The following BCAS3 variants were observed in gnomAD, a reference collection of about 807,000 sequenced individuals.
BCAS3 encodes BCAS3 microtubule associated cell migration factor.
BCAS3 carries 53 observed loss-of-function variants against 116.1 expected under a neutral mutation model. That is an observed-to-expected ratio of 0.46 (90% CI 0.37 to 0.57). The LOEUF is 0.57. Ranked by LOEUF, BCAS3 falls within the 20% of genes least tolerant of loss-of-function variation. The probability of loss-of-function intolerance (pLI) is 0.00; values close to 1 mark genes in which losing one functional copy is unlikely to be tolerated. For missense variants in BCAS3, 917 were observed against 1,165.4 expected (o/e 0.79, Z 3.10); for synonymous variants, 391 against 408.2 (o/e 0.96, Z 0.51).
Position 60,994,938 on chromosome 17 carries a change from G to A in BCAS3, c.1486+4703G>A, listed in dbSNP as rs1600303235. 6.6e-6 allele frequency among the ~76,000 whole-genome samples: 1 copy of A among 152,080 alleles called. No homozygotes were observed. The highest frequency in any genetic ancestry group is 1.9e-4 in the East Asian group (1 of 5,174). ...CTTCTGTGAGCACAAAGTCTTTTTG[G>A]TGTTTCTATTTGTATCTTGGCAGTT... is the stretch of plus-strand genomic sequence containing the variant. On this transcript the variant is annotated intron_variant, in intron 15 of 23. Coordinates refer to ENST00000407086, the MANE Select transcript of BCAS3 (RefSeq NM_017679.5). This position sits in a 1 kb window ranked among gnomAD's most constrained non-coding sequence, Gnocchi z 4.4.
At chr17:60,680,374 C>G (rs773880507) in intron 2 of BCAS3, among the ~76,000 whole-genome samples, 4 of 152,024 alleles carry the variant, frequency 2.6e-5, no homozygotes, top group African/African-American at 9.7e-5. Flanking sequence ...TATTTCATCA[C>G]CCAGGTATTA....
chr17:61,135,665 A>T (rs556348094), intron 22 of BCAS3, among the ~76,000 whole-genome samples: 1 of 152,344 alleles, frequency 6.6e-6, no homozygotes, highest in East Asian at 1.9e-4. Context: ...AACAGTTCTC[A>T]CATTTTTAAA....
intron 19 of BCAS3, among the ~76,000 whole-genome samples, chr17:61,043,702 T>G (rs1412423378): frequency 6.6e-6 from 1 of 151,966 alleles, no homozygotes; most frequent in Non-Finnish European, 1.5e-5. Context: ...AATGGTGTCT[T>G]GTCTAGGATC....
At chr17:61,341,430 C>T (rs1282204828) in intron 22 of BCAS3, among the ~76,000 whole-genome samples, 1 of 152,170 alleles carries the variant, frequency 6.6e-6, no homozygotes, top group Admixed American at 6.5e-5. Context: ...TGGACACTTC[C>T]TGTTCTATCT....
At chr17:60,950,750 T>C (rs888765898) in intron 14 of BCAS3, among the ~76,000 whole-genome samples, 2 of 152,218 alleles carry the variant, frequency 1.3e-5, no homozygotes, top group Non-Finnish European at 2.9e-5. Context: ...GAGCGTTAAT[T>C]GTTGAAGTTG....
chr17:60,738,454 C>T (rs1598390207), intron 5 of BCAS3, among the ~76,000 whole-genome samples: 4 of 152,100 alleles, frequency 2.6e-5, no homozygotes, highest in Admixed American at 2.6e-4. Context: ...ATGTAATATC[C>T]CCCTTTTTCC....
intron 22 of BCAS3, among the ~76,000 whole-genome samples, chr17:61,292,636 G>A (rs2052538276): frequency 6.6e-6 from 1 of 152,094 alleles, no homozygotes; most frequent in Admixed American, 6.5e-5. Flanking sequence ...GGGTGACAGA[G>A]CGAGGCTCCG....
chr17:60,764,841 G>A (rs948737452), intron 6 of BCAS3, among the ~76,000 whole-genome samples: 2 of 152,140 alleles, frequency 1.3e-5, no homozygotes, highest in Non-Finnish European at 2.9e-5. Context: ...AAGTCTCTTT[G>A]TAGGTCTCTA....
intron 6 of BCAS3, among the ~76,000 whole-genome samples, chr17:60,759,738 C>T (rs1334483236): frequency 6.6e-6 from 1 of 151,670 alleles, no homozygotes; most frequent in African/African-American, 2.4e-5. Context: ...GATTGTAGCT[C>T]ACTGCCACCT....
At chr17:60,717,855 T>C (rs2038807397) in intron 5 of BCAS3, among the ~76,000 whole-genome samples, 1 of 152,162 alleles carries the variant, frequency 6.6e-6, no homozygotes, top group African/African-American at 2.4e-5. Flanking sequence ...CATTGTAATA[T>C]ATAATGAAAT....
chr17:60,972,983 G>C (rs555121444), intron 14 of BCAS3, among the ~76,000 whole-genome samples: 14 of 152,034 alleles, frequency 9.2e-5, no homozygotes, highest in African/African-American at 3.4e-4. Flanking sequence ...ATTGCTCTTG[G>C]GTTTTCTTTC....
chr17:60,869,819 C>T (rs1221936735), intron 8 of BCAS3, among the ~76,000 whole-genome samples: 2 of 152,158 alleles, frequency 1.3e-5, no homozygotes, highest in Non-Finnish European at 2.9e-5. Flanking sequence ...AACTTGATTA[C>T]ATATTATTTG....
intron 7 of BCAS3, among the ~76,000 whole-genome samples, chr17:60,851,163 G>T (rs9895671): frequency 6.6e-6 from 1 of 152,132 alleles, no homozygotes; most frequent in African/African-American, 2.4e-5. Flanking sequence ...GCTGCAGATG[G>T]TGAGGAAATA....
chr17:60,914,684 C>T (rs186324928), intron 12 of BCAS3, among the ~76,000 whole-genome samples: 1 of 152,288 alleles, frequency 6.6e-6, no homozygotes. Context: ...TTCTTCCTCC[C>T]TGTCCTCCTC....
chr17:61,171,797 A>C lies in BCAS3; in HGVS notation c.2425+87233A>C, dbSNP rs999884471. 2.6e-5 allele frequency among the ~76,000 whole-genome samples: 4 copies of C among 151,180 alleles called. No homozygotes were observed. Among genetic ancestry groups the C allele is most frequent in the Middle Eastern group, 3.4e-3 (1 of 294 alleles). ...CACCATGCCCTGCTAATTAAAAAAA[A>C]ATTTTTTTTTTTTTTTGTAGAAATG... On this transcript the variant is annotated intron_variant, in intron 22 of 23. Coordinates refer to ENST00000407086, the MANE Select transcript of BCAS3 (RefSeq NM_017679.5). This position sits in a 1 kb window ranked among gnomAD's most constrained non-coding sequence, Gnocchi z 4.1.
rs185562523 is a variant in BCAS3, at chr17:61,261,278, G to A, written c.2426-107049G>A. 3.0e-4 allele frequency among the ~76,000 whole-genome samples: 46 copies of A among 152,306 alleles called. No homozygotes were observed. Among genetic ancestry groups the A allele is most frequent in the Admixed American group, 2.5e-3 (38 of 15,300 alleles). On this transcript the variant is annotated intron_variant, in intron 22 of 23. Coordinates refer to ENST00000407086, the MANE Select transcript of BCAS3 (RefSeq NM_017679.5). The surrounding 1 kb of genome is among the most constrained non-coding windows in gnomAD (Gnocchi z 4.4). ...TCAAGAATATGTTTAGAGGAGCTGC[G>A]ACCCAGGGAAATCCTGCCTCCCAGT...
At chr17:61,360,428 T>A (rs1208096488) in intron 22 of BCAS3, among the ~76,000 whole-genome samples, 3 of 152,252 alleles carry the variant, frequency 2.0e-5, no homozygotes, top group African/African-American at 7.2e-5. Context: ...TTTAAGGAAT[T>A]ACCATAAACC....
At chr17:60,841,326 A>G (rs116362018) in intron 7 of BCAS3, among the ~76,000 whole-genome samples, 22 of 152,006 alleles carry the variant, frequency 1.4e-4, no homozygotes, top group African/African-American at 5.3e-4. Context: ...ATCTACTGGT[A>G]TATAATGTAT....
intron 7 of BCAS3, among the ~76,000 whole-genome samples, chr17:60,819,707 C>T (rs2049754368): frequency 6.6e-6 from 1 of 152,026 alleles, no homozygotes; most frequent in Admixed American, 6.6e-5. Context: ...GACTCATTAT[C>T]CTTCCTCCCT....
Sources: allele counts gnomAD v4.1 joint callset (sites outside exome capture counted in the v4.1 genomes callset), GRCh38; gene constraint gnomAD v4.1.1; non-coding constraint Gnocchi (gnomAD v3.1); transcripts MANE v1.5; gene names NCBI Gene and HGNC (gene_info 2026-07-23, HGNC 2026-07-21).